The following PCLO variants were observed in gnomAD, a reference collection of about 807,000 sequenced individuals.
PCLO encodes the protein protein piccolo.
Under a neutral mutation model 427.5 loss-of-function variants are expected in PCLO, and 82 were observed. That is an observed-to-expected ratio of 0.19 (90% CI 0.16 to 0.23). The LOEUF (loss-of-function observed/expected upper bound fraction) is 0.23, where lower values mean the gene tolerates loss of function less well. Ranked by LOEUF, PCLO falls within the 10% of genes least tolerant of loss-of-function variation. The probability of loss-of-function intolerance (pLI) is 1.00; values close to 1 mark genes in which losing one functional copy is unlikely to be tolerated. For synonymous variants in PCLO, 2,357 were observed against 2,155.4 expected, an observed-to-expected ratio of 1.09 and a Z score of -2.59; for missense variants, 6,239 against 6,115.9, an observed-to-expected ratio of 1.02 and a Z score of -0.67.
At chr7:83,101,235 C>A (rs1462583543) in intron 3 of PCLO, among the ~76,000 whole-genome samples, 2 of 151,796 alleles carry the variant, frequency 1.3e-5, no homozygotes, top group African/African-American at 4.8e-5. Flanking sequence ...CCATGAAAGA[C>A]AATCATGATA....
At chr7:82,848,122 C>A in intron 10 of PCLO, among the ~76,000 whole-genome samples, 1 of 151,854 alleles carries the variant, frequency 6.6e-6, no homozygotes, top group South Asian at 2.1e-4. Context: ...TTTTATATGA[C>A]CTGTCAAAAT....
rs1324557270 is a variant in PCLO at position 82,951,353 on chromosome 7, C to T, written c.9235G>A (p.Gly3079Arg). ...TPPPGPQYCV[G>R]SVLRSSNGVV... ...CCATTAGATGACCTCAAAACACTCC[C>T]CACACAATACTGGGGTCCTGGTGGT... The change falls in exon 6 of 25, where the codon GGG (glycine) becomes AGG (arginine). Residue 3079 changes from glycine to arginine, a missense_variant. Around this residue, in one of 5 missense-constraint regions of PCLO, gnomAD observed 4,677 missense variants for 4,468.4 expected, o/e 1.05. Coordinates refer to ENST00000333891, the MANE Select transcript of PCLO (RefSeq NM_033026.6). 6.2e-7 allele frequency: 1 copy of T among 1,607,806 alleles called. No individual in the cohort carries two copies. The highest frequency in any genetic ancestry group is 1.1e-5 in the South Asian group (1 of 89,792).
At position 82,954,665 on chromosome 7, in the gene PCLO, C is replaced by T. The variant is rs1795462138; in HGVS notation, c.6288G>A (p.Met2096Ile). 6.2e-7 allele frequency: 1 copy of T among 1,613,910 alleles called. No individual in the cohort carries two copies. The highest frequency in any genetic ancestry group is 1.3e-5 in the African/African-American group (1 of 75,032). ...AGGCATCTGGCATTCTGTCAAAGTCCATGGTGGACTCTGTCATATCCTCAC... is the reference window on the plus strand; with the variant it reads ...AGGCATCTGGCATTCTGTCAAAGTCTATGGTGGACTCTGTCATATCCTCAC... The part of the protein sequence containing the change: ...PIGEDMTEST[M>I]DFDRMPDASL... Residue 2096 changes from methionine to isoleucine, a missense_variant, in exon 5 of 25, where the codon ATG becomes ATA. Coordinates refer to ENST00000333891, the MANE Select transcript of PCLO (RefSeq NM_033026.6).
At chr7:82,818,853 T>C (rs749521095) in intron 20 of PCLO, among the ~76,000 whole-genome samples, 1 of 152,196 alleles carries the variant, frequency 6.6e-6, no homozygotes, top group Non-Finnish European at 1.5e-5. Flanking sequence ...TGAAGAACTA[T>C]TCAAATGCAG....
At chr7:83,024,114 A>C (rs1788416227) in intron 3 of PCLO, among the ~76,000 whole-genome samples, 5 of 152,224 alleles carry the variant, frequency 3.3e-5, no homozygotes, top group Admixed American at 2.0e-4. Context: ...AAGATGGCCG[A>C]ATAGGAACAG....
intron 3 of PCLO, among the ~76,000 whole-genome samples, chr7:83,062,294 T>A (rs538931297): frequency 2.4e-4 from 37 of 152,254 alleles, no homozygotes; most frequent in Non-Finnish European, 1.2e-4. Context: ...TTTTCACCAA[T>A]GTGCTAAATC....
intron 6 of PCLO, among the ~76,000 whole-genome samples, chr7:82,948,527 A>G (rs1795255978): frequency 6.6e-6 from 1 of 152,186 alleles, no homozygotes; most frequent in African/African-American, 2.4e-5. Flanking sequence ...CCTAGAGCTC[A>G]GTAATCATGC....
chr7:82,968,670 C>A (rs1795834637), intron 3 of PCLO, among the ~76,000 whole-genome samples: 1 of 151,964 alleles, frequency 6.6e-6, no homozygotes, highest in African/African-American at 2.4e-5. Flanking sequence ...CAGGTACACG[C>A]CACCATACCC....
intron 3 of PCLO, among the ~76,000 whole-genome samples, chr7:83,116,438 CT>C (rs1258478526): frequency 6.6e-6 from 1 of 152,112 alleles, no homozygotes; most frequent in Non-Finnish European, 1.5e-5. Flanking sequence ...AGTTTTCCTA[CT>C]GTTTCTTTTG....
At chr7:83,117,705 C>T (rs1004974903) in intron 3 of PCLO, among the ~76,000 whole-genome samples, 7 of 152,180 alleles carry the variant, frequency 4.6e-5, no homozygotes, top group Admixed American at 4.6e-4. Flanking sequence ...CAAAGGGAAA[C>T]AGATGCAAAT....
chr7:83,097,554 ACATATAT>A (rs1175651754), intron 3 of PCLO, among the ~76,000 whole-genome samples: 2 of 146,422 alleles, frequency 1.4e-5, no homozygotes, highest in African/African-American at 5.0e-5. Context: ...TATATAAAAT[ACATATAT>A]TATATATATA....
At chr7:82,977,975 C>T (rs1048905074) in intron 3 of PCLO, among the ~76,000 whole-genome samples, 1 of 152,002 alleles carries the variant, frequency 6.6e-6, no homozygotes, top group East Asian at 1.9e-4. Flanking sequence ...GTCAGAGTTG[C>T]AGAGTATCAT....
At position 82,956,144 on chromosome 7, in the gene PCLO, T is replaced by A. The variant is rs532927663; in HGVS notation, c.4809A>T (p.Ile1603=). 1 of 1,608,790 alleles carries A rather than the reference T, an allele frequency of 6.2e-7. No individual in the cohort carries two copies. Among genetic ancestry groups the A allele is most frequent in the African/African-American group, 1.3e-5 (1 of 75,054 alleles). The change falls in exon 5 of 25, where the codon ATA becomes ATT. Residue 1603 remains isoleucine (I), a synonymous_variant. Transcript: ENST00000333891. ...KKEETKGKGK[I]TAGKHRRLTR... ...TCAGTCGTCTGTGTTTCCCTGCTGT[T>A]ATTTTGCCTTTTCCCTTTGTTTCTT...
chr7:83,025,384 C>G (rs1359639552), intron 3 of PCLO, among the ~76,000 whole-genome samples: 61 of 149,856 alleles, frequency 4.1e-4, no homozygotes, highest in African/African-American at 1.4e-3. Context: ...TGAAATGAAG[C>G]GAGAAGGGAA....
rs369784223 is a variant in PCLO at position 82,953,572 on chromosome 7, T to G, written c.7381A>C (p.Thr2461Pro). 4 of 1,611,400 alleles carry G rather than the reference T, an allele frequency of 2.5e-6. No homozygotes were observed. Among genetic ancestry groups the G allele is most frequent in the Non-Finnish European group, 3.4e-6 (4 of 1,178,464 alleles). The change falls in exon 5 of 25, where the codon ACT (threonine) becomes CCT (proline). Residue 2461 changes from threonine to proline, a missense_variant. By Grantham distance (38) the Thr-to-Pro change is conservative. Transcript: ENST00000333891. Reference sequence around the variant, plus strand: ...CTCAGAACAGCTGTGGTCTCTAGAGTAGTAACAGCATCAAACAGAGGTGTA... The same window carrying G: ...CTCAGAACAGCTGTGGTCTCTAGAGGAGTAACAGCATCAAACAGAGGTGTA... The part of the protein sequence containing the change: ...TATPLFDAVT[T>P]LETTAVLRSN...
At chr7:83,116,662 C>G (rs1469990884) in intron 3 of PCLO, among the ~76,000 whole-genome samples, 1 of 152,112 alleles carries the variant, frequency 6.6e-6, no homozygotes, top group Non-Finnish European at 1.5e-5. Context: ...TACATCCACT[C>G]TTTTAGCATT....
chr7:83,101,176 C>CA (rs540184775), intron 3 of PCLO, among the ~76,000 whole-genome samples: 268 of 151,742 alleles, frequency 1.8e-3, no homozygotes, highest in African/African-American at 6.1e-3. Flanking sequence ...TTCTATACCA[C>CA]AAAAAAGGAA....
rs534742082 is a variant in PCLO at position 82,954,483 on chromosome 7, A to T, written c.6470T>A (p.Ile2157Asn). 2.1e-5 allele frequency: 34 copies of T among 1,613,976 alleles called. No homozygotes were observed. The South Asian group carries it at 3.3e-4, about 16-fold the overall frequency. ...GGTCAAAATCAGCGATTCATGGGCA[A>T]TTATCTCTTGAATTTCTCTTGTATA... The part of the protein sequence containing the change: ...TDYTREIQEI[I>N]AHESLILTYS... Residue 2157 changes from isoleucine (I) to asparagine (N), a missense_variant, in exon 5 of 25, where the codon ATT (isoleucine) becomes AAT (asparagine). Physicochemically the swap from Ile to Asn is moderately radical, Grantham distance 149. This residue lies in a region of PCLO where 4,677 missense variants were observed against 4,468.4 expected (regional missense o/e 1.05). Transcript: ENST00000333891.
At chr7:82,932,682 T>C (rs1241738805) in intron 6 of PCLO, among the ~76,000 whole-genome samples, 1 of 152,068 alleles carries the variant, frequency 6.6e-6, no homozygotes, top group East Asian at 1.9e-4. Context: ...GTTGAAGTCA[T>C]TCAGGATCTG....
Sources: allele counts gnomAD v4.1 joint callset (sites outside exome capture counted in the v4.1 genomes callset), GRCh38; gene constraint gnomAD v4.1.1; regional missense constraint gnomAD v4.1.1; transcripts MANE v1.5; gene names NCBI Gene and HGNC (gene_info 2026-07-23, HGNC 2026-07-21).